STXBP5L: variants seen among roughly 807,000 people sequenced by gnomAD.
The protein encoded by STXBP5L is syntaxin binding protein 5L.
In STXBP5L, 65 loss-of-function variants were observed where a neutral mutation model predicts 144.5. The observed-to-expected ratio is 0.45, with a 90% CI of 0.37 to 0.55. The LOEUF (loss-of-function observed/expected upper bound fraction) is 0.55, where lower values mean the gene tolerates loss of function less well. Among genes scored for constraint, STXBP5L ranks in the 20% least tolerant of loss-of-function variants. The pLI is 0.00. For synonymous variants in STXBP5L, 505 were observed against 469.6 expected (o/e 1.08, Z -0.97); for missense variants, 1,298 against 1,405.5 (o/e 0.92, Z 1.22).
At chr3:121,348,778 G>C (rs13082547) in intron 20 of STXBP5L, among the ~76,000 whole-genome samples, 25,820 of 152,006 alleles carry the variant, frequency 0.17, 2,637 homozygotes, top group East Asian at 0.51. Flanking sequence ...ATGGTAGTTT[G>C]TACTTCTGTG....
At chr3:121,093,175 A>T (rs2042913659) in intron 5 of STXBP5L, among the ~76,000 whole-genome samples, 2 of 152,170 alleles carry the variant, frequency 1.3e-5, no homozygotes, top group East Asian at 1.9e-4. Context: ...TCGGTTTGCC[A>T]GTATTTTATT....
chr3:121,278,413 A>G (rs953856847), intron 18 of STXBP5L, among the ~76,000 whole-genome samples: 6 of 151,944 alleles, frequency 3.9e-5, no homozygotes, highest in Admixed American at 3.3e-4. Flanking sequence ...TAATTCCAAG[A>G]CAAAAATAAT....
Position 121,423,292 on chromosome 3 carries a change from A to G in STXBP5L, c.*4195A>G, listed in dbSNP as rs1370573829. On this transcript the variant is annotated 3_prime_UTR_variant, in exon 27 of 27. Transcript: ENST00000471454. ...ATGCACACTGTCCTGGGTGCCAGAA[A>G]TACTTGTGGTGTACTTGGTTTGAGC... 1 of 152,244 alleles carries G rather than the reference A, an allele frequency of 6.6e-6. No individual in the cohort carries two copies. Among genetic ancestry groups the G allele is most frequent in the African/African-American group, 2.4e-5 (1 of 41,452 alleles). 9.4% of individuals were successfully genotyped at this position (152,244 alleles called of 1,614,324 possible). A position where few individuals can be genotyped will look rare whatever the true frequency, so the allele number is the denominator to read the frequency against.
At chr3:121,003,862 A>T (rs1480540273) in intron 3 of STXBP5L, among the ~76,000 whole-genome samples, 3 of 152,110 alleles carry the variant, frequency 2.0e-5, no homozygotes, top group Admixed American at 6.5e-5. Flanking sequence ...CAGATGGTTG[A>T]AGATATATGG....
At chr3:121,332,791 A>T (rs1036995116) in intron 20 of STXBP5L, among the ~76,000 whole-genome samples, 1 of 152,072 alleles carries the variant, frequency 6.6e-6, no homozygotes, top group Non-Finnish European at 1.5e-5. Flanking sequence ...ATCCATTGCA[A>T]AAAGGACATC....
chr3:121,039,388 G>C (rs1435439327), intron 3 of STXBP5L, among the ~76,000 whole-genome samples: 3 of 151,092 alleles, frequency 2.0e-5, no homozygotes, highest in Non-Finnish European at 4.4e-5. Context: ...CCTCCTATTG[G>C]CCTTTGTGTT....
At chr3:121,094,066 A>T (rs1000402949) in intron 5 of STXBP5L, among the ~76,000 whole-genome samples, 6 of 151,988 alleles carry the variant, frequency 3.9e-5, no homozygotes, top group Admixed American at 6.5e-5. Context: ...TTCAATTTTC[A>T]TGTAGTTGAG....
chr3:121,030,904 G>A (rs1332793684), intron 3 of STXBP5L, among the ~76,000 whole-genome samples: 1 of 152,174 alleles, frequency 6.6e-6, no homozygotes, highest in Middle Eastern at 3.4e-3. Context: ...TTATTAAATG[G>A]ATATTGGGTA....
At chr3:121,315,804 C>G (rs975111687) in intron 19 of STXBP5L, among the ~76,000 whole-genome samples, 3 of 151,808 alleles carry the variant, frequency 2.0e-5, no homozygotes, top group African/African-American at 7.3e-5. Flanking sequence ...GAGTTCGAGA[C>G]CAGCCTGGCC....
rs145014088 is a variant in STXBP5L, at chr3:121,325,679, C to A, written c.2176+7139C>A. ...TTTTCAAAATAATTTTTAGTTCTTA[C>A]AGTTCATAAATCAACAACATTATCA... On this transcript the variant is annotated intron_variant, in intron 20 of 26. Coordinates refer to ENST00000471454, the MANE Select transcript of STXBP5L (RefSeq NM_001308330.2). 8.6e-5 allele frequency among the ~76,000 whole-genome samples: 13 copies of A among 152,044 alleles called. No individual in the cohort carries two copies. In the East Asian group the frequency reaches 2.5e-3, roughly 29 times the overall value.
intron 3 of STXBP5L, among the ~76,000 whole-genome samples, chr3:121,005,712 C>T (rs919461360): frequency 6.6e-6 from 1 of 152,194 alleles, no homozygotes; most frequent in Non-Finnish European, 1.5e-5. Context: ...TCCCTCTACA[C>T]ACTGCTTTAA....
intron 3 of STXBP5L, among the ~76,000 whole-genome samples, chr3:121,026,063 T>C (rs557954076): frequency 6.8e-6 from 1 of 147,942 alleles, no homozygotes; most frequent in Non-Finnish European, 1.5e-5. Flanking sequence ...AATTATATTA[T>C]AATTAAATTA....
chr3:121,333,997 G>A (rs1041115222), intron 20 of STXBP5L, among the ~76,000 whole-genome samples: 1 of 152,064 alleles, frequency 6.6e-6, no homozygotes, highest in East Asian at 1.9e-4. Context: ...AATCATGGCA[G>A]CAGTATCCCC....
intron 4 of STXBP5L, 97 bp from the exon 5 acceptor site, chr3:121,045,337 CT>C: frequency 9.5e-7 from 1 of 1,047,706 alleles, no homozygotes; most frequent in Non-Finnish European, 1.4e-6. Context: ...AAAAGTAACT[CT>C]TCAGGTAGTA....
chr3:121,240,890 A>C (rs2049643469), intron 14 of STXBP5L, among the ~76,000 whole-genome samples: 1 of 152,212 alleles, frequency 6.6e-6, no homozygotes, highest in South Asian at 2.1e-4. Context: ...CTCAAAACTT[A>C]CAGCACCAGA....
At chr3:121,361,535 T>C (rs2045712987) in intron 20 of STXBP5L, among the ~76,000 whole-genome samples, 1 of 152,048 alleles carries the variant, frequency 6.6e-6, no homozygotes, top group Admixed American at 6.6e-5. Flanking sequence ...GTCTTCAGGC[T>C]CACTAATTCT....
rs115490224 is a variant in STXBP5L, at chr3:121,180,006, A to T, written c.877+22379A>T. ...AGAATAGAAATAAAAAGTTTGGAAAATTTATTTGAAGGAATAATTGAGGAA... is the reference window on the plus strand; with the variant it reads ...AGAATAGAAATAAAAAGTTTGGAAATTTTATTTGAAGGAATAATTGAGGAA... On this transcript the variant is annotated intron_variant, in intron 9 of 26. Coordinates refer to ENST00000471454, the MANE Select transcript of STXBP5L (RefSeq NM_001308330.2). Among the ~76,000 whole-genome samples the T allele has an allele frequency of 5.9e-3, 905 of 152,330 alleles. 8 individuals are homozygous for T. The highest frequency in any genetic ancestry group is 0.02 in the African/African-American group (834 of 41,588).
At chr3:120,978,433 G>T (rs1007781295) in intron 3 of STXBP5L, among the ~76,000 whole-genome samples, 4 of 152,122 alleles carry the variant, frequency 2.6e-5, no homozygotes, top group African/African-American at 7.2e-5. Flanking sequence ...GGTTATTCTA[G>T]TTATACATTT....
chr3:121,052,976 T>G (rs577516829), intron 5 of STXBP5L, among the ~76,000 whole-genome samples: 2 of 152,296 alleles, frequency 1.3e-5, no homozygotes, highest in Admixed American at 1.3e-4. Flanking sequence ...AGCCAAATCA[T>G]GAGTGAACTC....
Sources: gnomAD v4.1 joint callset for allele counts (sites outside exome capture counted in the v4.1 genomes callset) on GRCh38, gnomAD v4.1.1 for gene constraint, MANE v1.5 for transcripts, NCBI Gene and HGNC (gene_info 2026-07-23, HGNC 2026-07-21) for gene names.